FHIT: variants seen among roughly 807,000 people sequenced by gnomAD.
FHIT encodes the protein bis(5'-adenosyl)-triphosphatase.
FHIT carries 19 observed loss-of-function variants against 17.9 expected under a neutral mutation model. The ratio of observed to expected loss-of-function variants is 1.06; its 90% confidence interval spans 0.74 to 1.56. The LOEUF (loss-of-function observed/expected upper bound fraction) is 1.56, where lower values mean the gene tolerates loss of function less well. FHIT is among the 40% of genes most tolerant of loss of function. The pLI, the probability that FHIT is intolerant of heterozygous loss-of-function variation, is 0.00. For missense variants in FHIT, 248 were observed against 189.2 expected (o/e 1.31, Z -1.82); for synonymous variants, 81 against 69.7 (o/e 1.16, Z -0.81).
chr3:60,535,405 T>C (rs1333423393), intron 5 of FHIT, among the ~76,000 whole-genome samples: 1 of 152,158 alleles, frequency 6.6e-6, no homozygotes, highest in Non-Finnish European at 1.5e-5. Flanking sequence ...TAAACCATAT[T>C]CTTTTAACAC....
intron 4 of FHIT, among the ~76,000 whole-genome samples, chr3:60,661,911 T>C (rs1383782954): frequency 2.0e-5 from 3 of 152,202 alleles, no homozygotes; most frequent in African/African-American, 7.2e-5. Context: ...TTTGTTTTTT[T>C]TCTTGCTAAT....
chr3:60,585,456 G>C (rs2037877001), intron 4 of FHIT, among the ~76,000 whole-genome samples: 1 of 151,962 alleles, frequency 6.6e-6, no homozygotes, highest in African/African-American at 2.4e-5. Context: ...TTTATTCATA[G>C]ACTCACATGA....
At chr3:61,193,037 G>T (rs1432608295) in intron 2 of FHIT, among the ~76,000 whole-genome samples, 1 of 152,144 alleles carries the variant, frequency 6.6e-6, no homozygotes, top group Non-Finnish European at 1.5e-5. Flanking sequence ...CGCAAAAGAT[G>T]CTAAAAGACA....
chr3:61,177,607 AATGG>A (rs1222533595), intron 2 of FHIT, among the ~76,000 whole-genome samples: 1 of 152,176 alleles, frequency 6.6e-6, no homozygotes, highest in Admixed American at 6.5e-5. Context: ...CTTTCAGATG[AATGG>A]GACATCTGGG....
intron 7 of FHIT, among the ~76,000 whole-genome samples, chr3:59,972,987 T>A (rs749823783): frequency 7.9e-5 from 12 of 152,100 alleles, no homozygotes; most frequent in Admixed American, 5.2e-4. Context: ...CCTCTACTGA[T>A]AAAATCCCTC....
intron 4 of FHIT, among the ~76,000 whole-genome samples, chr3:60,735,434 G>T (rs1314038728): frequency 6.6e-6 from 1 of 152,070 alleles, no homozygotes; most frequent in Non-Finnish European, 1.5e-5. Flanking sequence ...AATGATTCAG[G>T]GAGCCAATCA....
intron 4 of FHIT, among the ~76,000 whole-genome samples, chr3:60,688,188 A>G (rs1446602846): frequency 2.0e-5 from 3 of 152,186 alleles, no homozygotes; most frequent in Non-Finnish European, 2.9e-5. Flanking sequence ...TTTCACATTT[A>G]TATTTCCTCT....
intron 5 of FHIT, among the ~76,000 whole-genome samples, chr3:60,210,419 A>G (rs1703394299): frequency 6.6e-6 from 1 of 152,188 alleles, no homozygotes; most frequent in South Asian, 2.1e-4. Flanking sequence ...ATTATTTAAA[A>G]TCCCAAAGTA....
chr3:60,894,844 G>C (rs1225951827), intron 3 of FHIT, among the ~76,000 whole-genome samples: 1 of 151,932 alleles, frequency 6.6e-6, no homozygotes, highest in Non-Finnish European at 1.5e-5. Flanking sequence ...CTCCTCCTCT[G>C]CTCCCCTTCC....
At chr3:61,128,388 CAGG>C (rs1245078817) in intron 2 of FHIT, among the ~76,000 whole-genome samples, 1 of 152,164 alleles carries the variant, frequency 6.6e-6, no homozygotes, top group Non-Finnish European at 1.5e-5. Context: ...AACATGTCAG[CAGG>C]GTCAAATTAT....
At chr3:60,259,127 C>G (rs905654315) in intron 5 of FHIT, among the ~76,000 whole-genome samples, 3 of 151,478 alleles carry the variant, frequency 2.0e-5, no homozygotes, top group Non-Finnish European at 4.4e-5. Flanking sequence ...AAAATGACTA[C>G]CAAAGTTATA....
chr3:60,913,222 T>C (rs1246148855), intron 3 of FHIT, among the ~76,000 whole-genome samples: 1 of 152,262 alleles, frequency 6.6e-6, no homozygotes, highest in African/African-American at 2.4e-5. Context: ...TTTGACTCTA[T>C]AGTGTTGAGA....
rs185479840 is a variant in FHIT, at chr3:61,019,874, T to G, written c.-111+22173A>C. Among the ~76,000 whole-genome samples the G allele has an allele frequency of 2.6e-5, 4 of 152,326 alleles. No individual in the cohort carries two copies. The East Asian group carries it at 5.8e-4, about 22-fold the overall frequency. On this transcript the variant is annotated intron_variant, in intron 3 of 9. Coordinates refer to ENST00000492590, the MANE Select transcript of FHIT (RefSeq NM_002012.4). ...TTTATTCATATGATTTTCTCTTTTT[T>G]TTTAATTATACTTTAAGTTCTGGGA...
At chr3:60,683,275 T>C (rs1225066296) in intron 4 of FHIT, among the ~76,000 whole-genome samples, 1 of 152,182 alleles carries the variant, frequency 6.6e-6, no homozygotes, top group Non-Finnish European at 1.5e-5. Context: ...GTGGGTAAAA[T>C]GCTGGCAAAC....
chr3:60,631,950 C>A (rs1214373191), intron 4 of FHIT, among the ~76,000 whole-genome samples: 2 of 152,144 alleles, frequency 1.3e-5, no homozygotes, highest in African/African-American at 4.8e-5. Context: ...AGACTACCAG[C>A]ATCTTCTACT....
intron 3 of FHIT, among the ~76,000 whole-genome samples, chr3:61,037,953 A>G (rs1018316081): frequency 3.9e-5 from 6 of 152,240 alleles, no homozygotes; most frequent in Non-Finnish European, 2.9e-5. Context: ...GTCAAGGAAA[A>G]GAAGTGCGCT....
intron 4 of FHIT, among the ~76,000 whole-genome samples, chr3:60,612,156 G>A (rs1434286972): frequency 6.6e-6 from 1 of 152,132 alleles, no homozygotes; most frequent in East Asian, 1.9e-4. Flanking sequence ...ATGGCCTTTA[G>A]TGAAGTGGTC....
chr3:60,739,981 T>C (rs983803893), intron 4 of FHIT, among the ~76,000 whole-genome samples: 1 of 152,146 alleles, frequency 6.6e-6, no homozygotes, highest in Non-Finnish European at 1.5e-5. Flanking sequence ...AAAAGAGAAA[T>C]GTTCAGGTAA....
intron 2 of FHIT, among the ~76,000 whole-genome samples, chr3:61,067,948 T>C (rs1271432863): frequency 6.6e-6 from 1 of 152,206 alleles, no homozygotes; most frequent in Non-Finnish European, 1.5e-5. Context: ...ATTTGGGAAT[T>C]CTATTATTGT....
Sources: allele counts gnomAD v4.1 joint callset (sites outside exome capture counted in the v4.1 genomes callset), GRCh38; gene constraint gnomAD v4.1.1; transcripts MANE v1.5; gene names NCBI Gene and HGNC (gene_info 2026-07-23, HGNC 2026-07-21).